The following SPP1 variants were observed in gnomAD, a reference collection of about 807,000 sequenced individuals.
SPP1 encodes the protein secreted phosphoprotein 1, also known as osteopontin.
In SPP1, 18 loss-of-function variants were observed where a neutral mutation model predicts 20.8. That is an observed-to-expected ratio of 0.87 (90% CI 0.60 to 1.29). The LOEUF (loss-of-function observed/expected upper bound fraction) is 1.29. SPP1 is among the 50% of genes most tolerant of loss of function. The pLI is 0.00. For synonymous variants in SPP1, 146 were observed against 141.5 expected (o/e 1.03, Z -0.23); for missense variants, 363 against 389.0 (o/e 0.93, Z 0.56).
At chr4:87,981,191 A>G (rs1725624741) in intron 5 of SPP1, among the ~76,000 whole-genome samples, 1 of 152,234 alleles carries the variant, frequency 6.6e-6, no homozygotes, top group Non-Finnish European at 1.5e-5. Flanking sequence ...AGGAAAAACA[A>G]TGTTATTGAC....
Position 87,981,495 on chromosome 4 carries a change from C to T in SPP1, c.237C>T (p.Asn79=), listed in dbSNP as rs45473998. Reference sequence around the variant, plus strand: ...TTCAGACCCTTCCAAGTAAGTCCAACGAAAGCCATGACCACATGGATGATA... The same window carrying T: ...TTCAGACCCTTCCAAGTAAGTCCAATGAAAGCCATGACCACATGGATGATA... ...FKQETLPSKS[N]ESHDHMDDMD... is the part of the protein sequence containing the mutation. The change falls in exon 6 of 7, where the codon AAC becomes AAT. Residue 79 remains asparagine, a synonymous_variant. Coordinates refer to ENST00000395080, the MANE Select transcript of SPP1 (RefSeq NM_001040058.2). 30 of 1,613,894 alleles carry T rather than the reference C, an allele frequency of 1.9e-5. No homozygotes were observed. The highest frequency in any genetic ancestry group is 2.7e-5 in the African/African-American group (2 of 74,896).
At chr4:87,979,025 C>T (rs907541476) in intron 3 of SPP1, among the ~76,000 whole-genome samples, 11 of 152,218 alleles carry the variant, frequency 7.2e-5, no homozygotes, top group South Asian at 2.1e-4. Flanking sequence ...TCATTTACAT[C>T]TTTGGCACCT....
chr4:87,982,804 C>T lies in SPP1; in HGVS notation c.853C>T (p.Leu285=). The change falls in exon 7 of 7, where the codon CTG becomes TTG. Residue 285 remains leucine (L), a synonymous_variant. Coordinates refer to ENST00000395080, the MANE Select transcript of SPP1 (RefSeq NM_001040058.2). ...SHEFHSHEDM[L]VVDPKSKEED... is the part of the protein sequence containing the mutation. Reference sequence around the variant, plus strand: ...TGAATTTCACAGCCATGAAGATATGCTGGTTGTAGACCCCAAAAGTAAGGA... The same window carrying T: ...TGAATTTCACAGCCATGAAGATATGTTGGTTGTAGACCCCAAAAGTAAGGA... 1 of 1,614,158 alleles carries T rather than the reference C, an allele frequency of 6.2e-7. No homozygotes were observed. Among genetic ancestry groups the T allele is most frequent in the Non-Finnish European group, 8.5e-7 (1 of 1,180,018 alleles).
intron 6 of SPP1, 31 bp from the exon 7 acceptor site, chr4:87,982,461 A>G (rs1171757822): frequency 4.4e-6 from 7 of 1,598,130 alleles, no homozygotes; most frequent in Non-Finnish European, 6.0e-6. Flanking sequence ...AGCCGTTCAT[A>G]TAATTATTCT....
At chr4:87,978,468 T>A (rs1051473287) in intron 3 of SPP1, among the ~76,000 whole-genome samples, 3 of 142,070 alleles carry the variant, frequency 2.1e-5, no homozygotes, top group Admixed American at 7.5e-5. Flanking sequence ...TGATCTCGGC[T>A]CACTGCAAGC....
intron 3 of SPP1, chr4:87,977,789 C>T (rs11728697): frequency 0.56 from 716,722 of 1,279,012 alleles, 206,942 homozygotes; most frequent in South Asian, 0.65. Flanking sequence ...AGAATAAAGG[C>T]CAAAATAGAG....
intron 3 of SPP1, among the ~76,000 whole-genome samples, chr4:87,979,345 T>A (rs1042456180): frequency 6.6e-6 from 1 of 151,788 alleles, no homozygotes; most frequent in Non-Finnish European, 1.5e-5. Context: ...TTTTTATTTT[T>A]ATTTTTTTTA....
At chr4:87,980,359 T>G in intron 4 of SPP1, 34 bp from the exon 5 acceptor site, 1 of 1,611,004 alleles carries the variant, frequency 6.2e-7, no homozygotes, top group Non-Finnish European at 8.5e-7. Context: ...TAGGCATGTG[T>G]GATGCGCACT....
chr4:87,979,466 C>T (rs1316727775), intron 3 of SPP1, among the ~76,000 whole-genome samples: 6 of 152,076 alleles, frequency 3.9e-5, no homozygotes, highest in Non-Finnish European at 5.9e-5. Context: ...AGCCACCGTG[C>T]CTAGCCATTT....
At chr4:87,980,160 G>A (rs1238276545) in intron 4 of SPP1, 34 bp downstream of exon 4, 7 of 1,610,288 alleles carry the variant, frequency 4.3e-6, no homozygotes, top group Non-Finnish European at 5.9e-6. Context: ...AAACTACAGT[G>A]ATGAAAGATA....
At position 87,977,102 on chromosome 4, in the gene SPP1, G is replaced by A. The variant is rs1403618087; in HGVS notation, c.93+5G>A. Reference sequence around the variant, plus strand: ...GGAAGTTCTGAGGAAAAGCAGGTAAGCATCTTTTATGTTTTTATATAGTTA... The same window carrying A: ...GGAAGTTCTGAGGAAAAGCAGGTAAACATCTTTTATGTTTTTATATAGTTA... On this transcript the variant is annotated splice_donor_5th_base_variant and intron_variant, in intron 3 of 6. Coordinates refer to ENST00000395080, the MANE Select transcript of SPP1 (RefSeq NM_001040058.2). 6.2e-7 allele frequency: 1 copy of A among 1,612,914 alleles called. No individual in the cohort carries two copies. The highest frequency in any genetic ancestry group is 8.5e-7 in the Non-Finnish European group (1 of 1,179,782).
At chr4:87,980,988 C>T (rs1725616744) in intron 5 of SPP1, among the ~76,000 whole-genome samples, 1 of 152,132 alleles carries the variant, frequency 6.6e-6, no homozygotes, top group Admixed American at 6.5e-5. Context: ...AGTTTATACA[C>T]ACATGCATAA....
rs1305018837 is a variant in SPP1, at chr4:87,980,124, C to A, written c.172C>A (p.Gln58Lys). Reference sequence around the variant, plus strand: ...TCAGAAGCAGAATCTCCTAGCCCCACAGGTATTTTTAAACTTCTCATAATT... The same window carrying A: ...TCAGAAGCAGAATCTCCTAGCCCCAAAGGTATTTTTAAACTTCTCATAATT... The part of the protein sequence containing the change: ...PSQKQNLLAP[Q>K]NAVSSEETND... The change falls in exon 4 of 7, where the codon CAG becomes AAG. Residue 58 changes from glutamine to lysine, a missense_variant and splice_region_variant. Gln to Lys is a moderately conservative substitution (Grantham distance 53). Coordinates refer to ENST00000395080, the MANE Select transcript of SPP1 (RefSeq NM_001040058.2). 6.8e-6 allele frequency: 11 copies of A among 1,614,106 alleles called. 1 individual carries two copies. The South Asian group carries it at 1.2e-4, about 18-fold the overall frequency.
rs1725682222 is a variant in SPP1 at position 87,982,341 on chromosome 4, T to C, written c.541-151T>C. Reference sequence around the variant, plus strand: ...ACATATGTGAAAGGCCTTGGTAAAGTACTATACAAAGTAACATGCTAGTAT... The same window carrying C: ...ACATATGTGAAAGGCCTTGGTAAAGCACTATACAAAGTAACATGCTAGTAT... On this transcript the variant is annotated intron_variant, in intron 6 of 6. Coordinates refer to ENST00000395080, the MANE Select transcript of SPP1 (RefSeq NM_001040058.2). 4 of 876,878 alleles carry C rather than the reference T, an allele frequency of 4.6e-6. No individual in the cohort carries two copies. The African/African-American group carries it at 6.8e-5, about 15-fold the overall frequency. The allele number at this position is 876,878 out of a possible 1,614,324, so 54.3% of individuals were successfully genotyped here.
chr4:87,982,884 T>C lies in SPP1; in HGVS notation c.933T>C (p.Ser311=). 1 of 1,601,386 alleles carries C rather than the reference T, an allele frequency of 6.2e-7. No homozygotes were observed. Among genetic ancestry groups the C allele is most frequent in the Non-Finnish European group, 8.5e-7 (1 of 1,173,550 alleles). ...CTCATGAATTAGATAGTGCATCTTC[T>C]GAGGTCAATTAAAAGGAGAAAAAAT... The part of the protein sequence containing the change: ...RISHELDSAS[S]EVN Residue 311 remains serine (S), a synonymous_variant, in exon 7 of 7, where the codon TCT becomes TCC. Transcript: ENST00000395080.
intron 3 of SPP1, among the ~76,000 whole-genome samples, chr4:87,978,608 T>G (rs1299672455): frequency 1.3e-5 from 2 of 152,076 alleles, no homozygotes; most frequent in Admixed American, 6.5e-5. Context: ...GGTCTCCATC[T>G]CCTGACCTCG....
chr4:87,978,544 G>A (rs565867617), intron 3 of SPP1, among the ~76,000 whole-genome samples: 5 of 151,796 alleles, frequency 3.3e-5, no homozygotes, highest in South Asian at 4.2e-4. Context: ...CACCACGCCC[G>A]GATAATTTTT....
intron 3 of SPP1, among the ~76,000 whole-genome samples, chr4:87,977,417 A>C (rs1467047411): frequency 1.3e-5 from 2 of 152,266 alleles, no homozygotes; most frequent in Non-Finnish European, 2.9e-5. Flanking sequence ...CTAAAAGCAG[A>C]AAATTCCAGC....
Position 87,982,600 on chromosome 4 carries a change from T to C in SPP1, c.649T>C (p.Trp217Arg). Residue 217 changes from tryptophan to arginine, a missense_variant, in exon 7 of 7, where the codon TGG becomes CGG. Trp to Arg is a moderately radical substitution (Grantham distance 101). Coordinates refer to ENST00000395080, the MANE Select transcript of SPP1 (RefSeq NM_001040058.2). ...CCAGGACCTGAACGCGCCTTCTGAT[T>C]GGGACAGCCGTGGGAAGGACAGTTA... ...VAQDLNAPSD[W>R]DSRGKDSYET... 6.2e-7 allele frequency: 1 copy of C among 1,614,116 alleles called. No individual in the cohort carries two copies. The highest frequency in any genetic ancestry group is 1.3e-5 in the African/African-American group (1 of 75,024).
Sources: allele counts gnomAD v4.1 joint callset (sites outside exome capture counted in the v4.1 genomes callset), GRCh38; gene constraint gnomAD v4.1.1; transcripts MANE v1.5; gene names NCBI Gene and HGNC (gene_info 2026-07-23, HGNC 2026-07-21).